The following CFAP54 variants were observed in gnomAD, a reference collection of about 807,000 sequenced individuals.
The protein encoded by CFAP54 is cilia and flagella associated protein 54.
A neutral mutation model predicts 370.4 loss-of-function variants in CFAP54; 290 were observed. That is an observed-to-expected ratio of 0.78 (90% CI 0.71 to 0.86). The LOEUF (loss-of-function observed/expected upper bound fraction) is 0.86, where lower values mean the gene tolerates loss of function less well. Ranked by LOEUF, CFAP54 falls within the 40% of genes least tolerant of loss-of-function variation. The pLI, the probability that CFAP54 is intolerant of heterozygous loss-of-function variation, is 0.00. For synonymous variants in CFAP54, 1,206 were observed against 1,236.5 expected, an observed-to-expected ratio of 0.98 and a Z score of 0.52; for missense variants, 3,399 against 3,528.7, an observed-to-expected ratio of 0.96 and a Z score of 0.93.
At chr12:96,592,336 T>A (rs1470190122) in intron 23 of CFAP54, among the ~76,000 whole-genome samples, 154 bp from the exon 24 acceptor site, 1 of 152,230 alleles carries the variant, frequency 6.6e-6, no homozygotes, top group Admixed American at 6.5e-5. Flanking sequence ...ATTTTCTTAG[T>A]TGTGAGCTTG....
intron 67 of CFAP54, among the ~76,000 whole-genome samples, chr12:96,873,782 G>T (rs1053529430): frequency 1.3e-5 from 2 of 152,086 alleles, no homozygotes; most frequent in Non-Finnish European, 2.9e-5. Flanking sequence ...TAATTTTCAT[G>T]TGCCATGAAA....
chr12:96,835,241 G>A (rs1452810254), intron 66 of CFAP54, among the ~76,000 whole-genome samples: 2 of 152,024 alleles, frequency 1.3e-5, no homozygotes, highest in African/African-American at 4.8e-5. Flanking sequence ...CTCTGCTGTT[G>A]GTAATCCTGA....
intron 1 of CFAP54, among the ~76,000 whole-genome samples, chr12:96,492,742 C>T (rs997580676): frequency 6.6e-6 from 1 of 152,232 alleles, no homozygotes; most frequent in African/African-American, 2.4e-5. Flanking sequence ...CCTGTAATCC[C>T]AGCACTCTGG....
At chr12:96,658,150 A>T (rs1462090312) in intron 37 of CFAP54, 45 bp downstream of exon 37, 1 of 725,464 alleles carries the variant, frequency 1.4e-6, no homozygotes, top group Non-Finnish European at 1.9e-6. Flanking sequence ...GACTTCATTG[A>T]AAAAAAAAAA....
chr12:96,682,430 C>G, intron 40 of CFAP54: 10 of 413,860 alleles, frequency 2.4e-5, no homozygotes, highest in Non-Finnish European at 3.2e-5. Context: ...TGCAGTGGTG[C>G]CATCACAGCT....
In CFAP54 at chr12:96,771,421, G is replaced by A. The variant is rs925299618; in HGVS notation, c.8281+6203G>A. On this transcript the variant is annotated intron_variant, in intron 60 of 67. Transcript: ENST00000524981. ...TAATCCCAGCACTTTGGGAGGCCAA[G>A]GCGGGCGGTTCACGAGGTCAGGAGA... 2.0e-5 allele frequency among the ~76,000 whole-genome samples: 3 copies of A among 152,202 alleles called. No individual in the cohort carries two copies. The South Asian group carries it at 6.2e-4, about 31-fold the overall frequency.
chr12:96,715,238 C>A (rs764503143), intron 48 of CFAP54, among the ~76,000 whole-genome samples: 1 of 150,306 alleles, frequency 6.7e-6, no homozygotes, highest in Non-Finnish European at 1.5e-5. Flanking sequence ...CTTGCAGAGC[C>A]TTTTTGTATT....
intron 17 of CFAP54, among the ~76,000 whole-genome samples, chr12:96,564,130 TATCAGGACTTGCC>T (rs1955841112): frequency 6.6e-6 from 1 of 152,180 alleles, no homozygotes; most frequent in Non-Finnish European, 1.5e-5. Context: ...TTGGTATTGG[TATCAGGACTTGCC>T]ATCTGTACTT....
chr12:96,619,932 A>G (rs1030852778), intron 26 of CFAP54, among the ~76,000 whole-genome samples: 1 of 152,324 alleles, frequency 6.6e-6, no homozygotes, highest in Non-Finnish European at 1.5e-5. Flanking sequence ...TTGGCCGGAC[A>G]TGGTGACTCA....
intron 24 of CFAP54, among the ~76,000 whole-genome samples, chr12:96,592,969 C>T (rs1448653993): frequency 6.6e-6 from 1 of 152,102 alleles, no homozygotes; most frequent in Non-Finnish European, 1.5e-5. Flanking sequence ...TATAATTTCT[C>T]TAATTTAAGA....
At position 96,784,704 on chromosome 12, in the gene CFAP54, T is replaced by G; in HGVS notation, c.8282-13T>G. On this transcript the variant is annotated splice_polypyrimidine_tract_variant and intron_variant, in intron 60 of 67. Coordinates refer to ENST00000524981, the MANE Select transcript of CFAP54 (RefSeq NM_001306084.2). ...ATAATATTGTATTACAAAAAAAAGT[T>G]TTTCACTTTCAGACAACTACCAAGT... 4 of 1,491,528 alleles carry G rather than the reference T, an allele frequency of 2.7e-6. No individual in the cohort carries two copies. In the South Asian group the frequency reaches 5.2e-5, roughly 20 times the overall value. 92.4% of individuals were successfully genotyped at this position (1,491,528 alleles called of 1,614,324 possible).
intron 63 of CFAP54, among the ~76,000 whole-genome samples, chr12:96,793,366 T>C (rs374040371): frequency 6.6e-6 from 1 of 152,230 alleles, no homozygotes; most frequent in East Asian, 1.9e-4. Flanking sequence ...ATGCCATTAT[T>C]TCATTCCTTT....
At chr12:96,734,091 T>C (rs1194307376) in intron 50 of CFAP54, among the ~76,000 whole-genome samples, 1 of 152,114 alleles carries the variant, frequency 6.6e-6, no homozygotes, top group African/African-American at 2.4e-5. Context: ...TTATTTTAAA[T>C]AAAAAACAAG....
At chr12:96,779,107 C>CAAAAAAAAAAAAAAAAAAA (rs35990040) in intron 60 of CFAP54, among the ~76,000 whole-genome samples, 1 of 103,856 alleles carries the variant, frequency 9.6e-6, no homozygotes, top group African/African-American at 3.5e-5. Flanking sequence ...ATCTCCATCT[C>CAAAAAAAAAAAAAAAAAAA]AAAAAAAAAA....
intron 17 of CFAP54, among the ~76,000 whole-genome samples, chr12:96,556,873 AG>A (rs1955758307): frequency 6.6e-6 from 1 of 152,018 alleles, no homozygotes; most frequent in Admixed American, 6.6e-5. Flanking sequence ...GGACACATAG[AG>A]GGGAACAATA....
chr12:96,592,735 G>A, intron 24 of CFAP54, 98 bp downstream of exon 24: 1 of 397,588 alleles, frequency 2.5e-6, no homozygotes, highest in African/African-American at 2.1e-5. Context: ...TAGCTTGTCT[G>A]GTGAATGGAC....
intron 27 of CFAP54, among the ~76,000 whole-genome samples, chr12:96,622,421 C>G (rs1345589438): frequency 8.5e-5 from 12 of 140,590 alleles, no homozygotes; most frequent in African/African-American, 3.1e-4. Context: ...TGCAATCTTG[C>G]CTCACCGTAG....
In CFAP54 at chr12:96,610,746, C is replaced by T. The variant is rs192970740; in HGVS notation, c.3640-10844C>T. 3.2e-3 allele frequency among the ~76,000 whole-genome samples: 483 copies of T among 152,330 alleles called. 4 individuals are homozygous for T. Among genetic ancestry groups the T allele is most frequent in the African/African-American group, 0.01 (424 of 41,578 alleles). On this transcript the variant is annotated intron_variant, in intron 26 of 67. Coordinates refer to ENST00000524981, the MANE Select transcript of CFAP54 (RefSeq NM_001306084.2). ...TGGCACACCAGGAGATTATATCCCG[C>T]GCATGGCTCAGAGGGTCCCACGGCC...
rs368037063 is a variant in CFAP54, at chr12:96,772,629, G to A, written c.8281+7411G>A. ...TTTTTTGAGATGGAGTTTTGCTCTTGTTGCCCAGGCTGGAGTGCAATGGCA... is the reference window on the plus strand; with the variant it reads ...TTTTTTGAGATGGAGTTTTGCTCTTATTGCCCAGGCTGGAGTGCAATGGCA... On this transcript the variant is annotated intron_variant, in intron 60 of 67. Coordinates refer to ENST00000524981, the MANE Select transcript of CFAP54 (RefSeq NM_001306084.2). Among the ~76,000 whole-genome samples, 28 of 130,170 alleles carry A rather than the reference G, an allele frequency of 2.2e-4. 1 individual carries two copies. In the South Asian group the frequency reaches 6.2e-3, roughly 29 times the overall value. The allele number at this position is 130,170 out of a possible 152,430, so 85.4% of individuals were successfully genotyped here. A position where few individuals can be genotyped will look rare whatever the true frequency, so the allele number is the denominator to read the frequency against.
Sources: allele counts gnomAD v4.1 joint callset (sites outside exome capture counted in the v4.1 genomes callset), GRCh38; gene constraint gnomAD v4.1.1; transcripts MANE v1.5; gene names NCBI Gene and HGNC (gene_info 2026-07-23, HGNC 2026-07-21).